The following PCDH15 variants were observed in gnomAD, a reference collection of about 807,000 sequenced individuals.
PCDH15 encodes protocadherin-15.
In PCDH15, 129 loss-of-function variants were observed where a neutral mutation model predicts 178.5. The ratio of observed to expected loss-of-function variants is 0.72; its 90% CI spans 0.63 to 0.84. PCDH15 has a LOEUF of 0.84. Ranked by LOEUF, PCDH15 falls within the 40% of genes least tolerant of loss-of-function variation. The pLI is 0.00. For missense variants in PCDH15, 2,230 were observed against 2,099.9 expected (o/e 1.06, Z -1.21); for synonymous variants, 800 against 732.0 (o/e 1.09, Z -1.50).
chr10:54,827,502 T>A (rs1953151420), intron 3 of PCDH15, among the ~76,000 whole-genome samples: 2 of 152,100 alleles, frequency 1.3e-5, no homozygotes, highest in Admixed American at 1.3e-4. Flanking sequence ...TTGTACTTTT[T>A]AATTTTAATT....
chr10:54,317,724 A>G (rs207470939), intron 7 of PCDH15, among the ~76,000 whole-genome samples: 1 of 152,108 alleles, frequency 6.6e-6, no homozygotes, highest in Admixed American at 6.6e-5. Context: ...GTGAGCCAAG[A>G]TCACGCCACT....
intron 2 of PCDH15, among the ~76,000 whole-genome samples, chr10:55,423,185 A>T (rs1838666417): frequency 6.6e-6 from 1 of 151,934 alleles, no homozygotes; most frequent in African/African-American, 2.4e-5. Flanking sequence ...GTTTTGCTTT[A>T]TTTGTTATGC....
intron 1 of PCDH15, among the ~76,000 whole-genome samples, chr10:55,271,630 G>C (rs1046442786): frequency 4.6e-5 from 7 of 152,008 alleles, no homozygotes; most frequent in African/African-American, 1.7e-4. Context: ...AGATTATTTT[G>C]AGTGTCAGGA....
rs939395687 is a variant in PCDH15 at position 55,250,886 on chromosome 10, C to T, written c.-156+68713G>A. On this transcript the variant is annotated intron_variant, in intron 1 of 5. Transcript: ENST00000458638. Reference sequence around the variant, plus strand: ...CTATATGTTCTTTTTGCTTTCTATACATATCATAAATATTAAATTATCAAT... The same window carrying T: ...CTATATGTTCTTTTTGCTTTCTATATATATCATAAATATTAAATTATCAAT... Among the ~76,000 whole-genome samples the T allele has an allele frequency of 9.2e-5, 14 of 152,032 alleles. No individual in the cohort carries two copies. The South Asian group carries it at 1.2e-3, about 13-fold the overall frequency.
intron 1 of PCDH15, among the ~76,000 whole-genome samples, chr10:54,710,059 TA>T (rs2095412919): frequency 6.6e-6 from 1 of 151,708 alleles, no homozygotes; most frequent in African/African-American, 2.4e-5. Flanking sequence ...AATAAAAATA[TA>T]AATCTGCATC....
intron 8 of PCDH15, among the ~76,000 whole-genome samples, chr10:54,251,968 C>T (rs2056513124): frequency 6.9e-6 from 1 of 144,226 alleles, no homozygotes; most frequent in African/African-American, 2.9e-5. Flanking sequence ...ATATATGCTC[C>T]CCCCTGCCTT....
chr10:54,651,552 A>G lies in PCDH15; in HGVS notation c.91+12620T>C, dbSNP rs970502174. 3.9e-5 allele frequency among the ~76,000 whole-genome samples: 6 copies of G among 152,164 alleles called. No homozygotes were observed. In the East Asian group the frequency reaches 1.2e-3, roughly 29 times the overall value. On this transcript the variant is annotated intron_variant, in intron 2 of 37. Transcript: ENST00000644397. ...GGCCTTTAAATCCATGGGGGAATGT[A>G]TTATCTCACTTTCATGGTGCACATC...
At chr10:55,599,681 A>G (rs1192917849) in intron 2 of PCDH15, 1 of 329,244 alleles carries the variant, frequency 3.0e-6, no homozygotes, top group Non-Finnish European at 5.5e-6. Context: ...ACATCTTATT[A>G]TCTTTATTTT....
At chr10:54,222,710 A>C (rs2052982302) in intron 9 of PCDH15, among the ~76,000 whole-genome samples, 1 of 152,180 alleles carries the variant, frequency 6.6e-6, no homozygotes, top group African/African-American at 2.4e-5. Context: ...TCATTGAGGT[A>C]TTAATTTGCA....
chr10:54,251,140 A>C (rs190604681), intron 8 of PCDH15, among the ~76,000 whole-genome samples: 6 of 152,292 alleles, frequency 3.9e-5, no homozygotes, highest in Non-Finnish European at 1.5e-5. Flanking sequence ...TTCTCTATTT[A>C]CAAACTTTTT....
intron 2 of PCDH15, among the ~76,000 whole-genome samples, chr10:55,516,231 C>T (rs1002848738): frequency 5.9e-5 from 9 of 151,984 alleles, no homozygotes; most frequent in Non-Finnish European, 1.2e-4. Context: ...TGAAAAAAAT[C>T]TCACAAGATC....
At chr10:54,753,684 T>C (rs1487296115) in intron 1 of PCDH15, among the ~76,000 whole-genome samples, 1 of 152,114 alleles carries the variant, frequency 6.6e-6, no homozygotes, top group African/African-American at 2.4e-5. Context: ...GGTCTGAAAA[T>C]CCTAAAGCAC....
intron 2 of PCDH15, among the ~76,000 whole-genome samples, chr10:54,960,267 A>T (rs1838608454): frequency 6.6e-6 from 1 of 152,166 alleles, no homozygotes; most frequent in African/African-American, 2.4e-5. Context: ...ATTACATATA[A>T]TATAGAAATA....
chr10:55,247,133 C>G (rs1291721697), intron 1 of PCDH15, among the ~76,000 whole-genome samples: 1 of 152,048 alleles, frequency 6.6e-6, no homozygotes, highest in African/African-American at 2.4e-5. Flanking sequence ...GACACTGTAT[C>G]TTAGAGTTTG....
At chr10:54,748,162 G>C (rs918303547) in intron 1 of PCDH15, among the ~76,000 whole-genome samples, 11 of 152,100 alleles carry the variant, frequency 7.2e-5, no homozygotes, top group Non-Finnish European at 1.0e-4. Context: ...CTTCACTCAA[G>C]ACGATCTGCT....
At chr10:55,556,711 T>C (rs1422610564) in intron 2 of PCDH15, among the ~76,000 whole-genome samples, 1 of 151,992 alleles carries the variant, frequency 6.6e-6, no homozygotes, top group African/African-American at 2.4e-5. Context: ...TGGTGGCGCG[T>C]GTGCGTGCAA....
At chr10:54,128,908 CT>C (rs2042198768) in intron 15 of PCDH15, among the ~76,000 whole-genome samples, 1 of 152,030 alleles carries the variant, frequency 6.6e-6, no homozygotes, top group African/African-American at 2.4e-5. Flanking sequence ...CAAAATTAAC[CT>C]TTGGAAAATA....
chr10:55,318,096 T>C (rs996163385), intron 1 of PCDH15, among the ~76,000 whole-genome samples: 1 of 152,166 alleles, frequency 6.6e-6, no homozygotes, highest in Admixed American at 6.5e-5. Context: ...AACGACTGAA[T>C]TCCTTTGGTA....
rs549507966 is a variant in PCDH15 at position 54,066,956 on chromosome 10, C to G, written c.2092-71G>C. 110 of 1,472,990 alleles carry G rather than the reference C, an allele frequency of 7.5e-5. No individual in the cohort carries two copies. The African/African-American group carries it at 1.1e-3, about 15-fold the overall frequency. 91.2% of individuals were successfully genotyped at this position (1,472,990 alleles called of 1,614,324 possible). A position where few individuals can be genotyped will look rare whatever the true frequency, so the allele number is the denominator to read the frequency against. On this transcript the variant is annotated intron_variant, in intron 17 of 37. Coordinates refer to ENST00000644397, the MANE Select transcript of PCDH15 (RefSeq NM_001384140.1). ...CTTAGAATTCATTTAAGTAGTCATT[C>G]TGGCATTTGTCTATCTGAAAAGCAT... is the stretch of plus-strand genomic sequence containing the variant.
Sources: gnomAD v4.1 joint callset for allele counts (sites outside exome capture counted in the v4.1 genomes callset) on GRCh38, gnomAD v4.1.1 for gene constraint, MANE v1.5 for transcripts, NCBI Gene and HGNC (gene_info 2026-07-23, HGNC 2026-07-21) for gene names.